Variants in ROR2 observed in about 807,000 individuals in gnomAD.
ROR2 encodes the protein tyrosine-protein kinase transmembrane receptor ROR2.
In ROR2, 33 loss-of-function variants were observed where a neutral mutation model predicts 74.9. The ratio of observed to expected loss-of-function variants is 0.44; its 90% CI spans 0.33 to 0.59. ROR2 has a LOEUF of 0.59. ROR2 is among the 20% of genes least tolerant of loss of function. The pLI is 0.02. For missense variants in ROR2, 1,216 were observed against 1,313.8 expected (o/e 0.93, Z 1.15); for synonymous variants, 586 against 558.7 (o/e 1.05, Z -0.69).
At chr9:91,739,130 A>G (rs534704564) in intron 4 of ROR2, among the ~76,000 whole-genome samples, 1 of 152,168 alleles carries the variant, frequency 6.6e-6, no homozygotes, top group Non-Finnish European at 1.5e-5. Flanking sequence ...AAAATCTGGA[A>G]CCTACCCCAT....
intron 1 of ROR2, among the ~76,000 whole-genome samples, chr9:91,884,043 CA>C (rs1386603434): frequency 6.6e-6 from 1 of 152,208 alleles, no homozygotes; most frequent in African/African-American, 2.4e-5. Context: ...GAGCTAGAAC[CA>C]AAGCTCACTC....
chr9:91,748,935 A>G (rs1825518975), intron 4 of ROR2, among the ~76,000 whole-genome samples: 1 of 152,196 alleles, frequency 6.6e-6, no homozygotes, highest in African/African-American at 2.4e-5. Context: ...GCTGAGGCAG[A>G]GAATCACTTG....
At position 91,724,952 on chromosome 9, in the gene ROR2, C is replaced by G; in HGVS notation, c.1542G>C (p.Glu514Asp). The G allele has an allele frequency of 6.2e-7, 1 of 1,613,548 alleles. No homozygotes were observed. The highest frequency in any genetic ancestry group is 8.5e-7 in the Non-Finnish European group (1 of 1,179,860). The change falls in exon 9 of 9, where the codon GAG (glutamate) becomes GAC (aspartate). Residue 514 changes from glutamate (E) to aspartate (D), a missense_variant. Coordinates refer to ENST00000375708, the MANE Select transcript of ROR2 (RefSeq NM_004560.4). ...VAIKTLKDKAEGPLREEFRHE... is the reference protein window; with the variant it reads ...VAIKTLKDKADGPLREEFRHE... ...GCCGGAACTCCTCCCGCAGGGGCCCCTCCGCTTTGTCCTTCAGCGTTTTGA... is the reference window on the plus strand; with the variant it reads ...GCCGGAACTCCTCCCGCAGGGGCCCGTCCGCTTTGTCCTTCAGCGTTTTGA...
intron 1 of ROR2, among the ~76,000 whole-genome samples, chr9:91,827,860 AT>A (rs1354151299): frequency 6.6e-6 from 1 of 152,208 alleles, no homozygotes; most frequent in Admixed American, 6.5e-5. Flanking sequence ...GAAGAAATGT[AT>A]TTGTCTCCTT....
chr9:91,919,228 T>C (rs1427781193), intron 1 of ROR2, among the ~76,000 whole-genome samples: 1 of 152,208 alleles, frequency 6.6e-6, no homozygotes, highest in African/African-American at 2.4e-5. Context: ...TGACAATAAT[T>C]AGGGCTTTTA....
intron 4 of ROR2, chr9:91,755,810 T>C: frequency 1.7e-6 from 1 of 579,756 alleles, no homozygotes; most frequent in Non-Finnish European, 3.1e-6. Flanking sequence ...TTTATACTCC[T>C]CTCAGTAGCC....
intron 7 of ROR2, among the ~76,000 whole-genome samples, chr9:91,729,089 T>TAAA (rs5899140): frequency 1.4e-5 from 2 of 144,722 alleles, no homozygotes; most frequent in Non-Finnish European, 3.0e-5. Context: ...CTACTCACTG[T>TAAA]AAAAAAAAAA....
At chr9:91,755,728 A>G (rs1825727910) in intron 4 of ROR2, among the ~76,000 whole-genome samples, 1 of 152,218 alleles carries the variant, frequency 6.6e-6, no homozygotes, top group Non-Finnish European at 1.5e-5. Context: ...TTCAGAGTGA[A>G]TTACGTCCCT....
intron 1 of ROR2, among the ~76,000 whole-genome samples, chr9:91,817,148 C>T (rs1827966196): frequency 6.6e-6 from 1 of 152,164 alleles, no homozygotes; most frequent in African/African-American, 2.4e-5. Flanking sequence ...AACACAACCC[C>T]AGGGGCTCAG....
chr9:91,852,651 C>CACACACA (rs1231343818), intron 1 of ROR2, among the ~76,000 whole-genome samples: 18,721 of 142,766 alleles, frequency 0.13, 1,311 homozygotes, highest in Admixed American at 0.17. Context: ...ACACACACAC[C>CACACACA]CACACACACA....
chr9:91,785,634 A>G (rs1381349534), intron 1 of ROR2, among the ~76,000 whole-genome samples: 1 of 152,244 alleles, frequency 6.6e-6, no homozygotes, highest in Admixed American at 6.5e-5. Flanking sequence ...GGCTGGGGCC[A>G]GGACTCATAT....
chr9:91,877,835 G>GA (rs1300104356), intron 1 of ROR2, among the ~76,000 whole-genome samples: 1 of 152,228 alleles, frequency 6.6e-6, no homozygotes, highest in African/African-American at 2.4e-5. Context: ...ACCTGGGTGG[G>GA]AGAGTGTCAG....
rs202072718 is a variant in ROR2 at position 91,723,951 on chromosome 9, G to A, written c.2543C>T (p.Pro848Leu). ...YPVQIPMQMA[P>L]QQVPPQMVPK... ...GACCATCTGAGGAGGCACCTGCTGC[G>A]GGGCCATCTGCATTGGGATCTGCAC... is the stretch of plus-strand genomic sequence containing the variant. The change falls in exon 9 of 9, where the codon CCG becomes CTG. Residue 848 changes from proline to leucine, a missense_variant. Transcript: ENST00000375708. 3.0e-5 allele frequency: 49 copies of A among 1,613,354 alleles called. No individual in the cohort carries two copies. The highest frequency in any genetic ancestry group is 2.7e-5 in the African/African-American group (2 of 74,948).
chr9:91,873,143 A>T (rs1160721163), intron 1 of ROR2, among the ~76,000 whole-genome samples: 1 of 152,134 alleles, frequency 6.6e-6, no homozygotes, highest in Non-Finnish European at 1.5e-5. Flanking sequence ...CACAGTGTCA[A>T]CATTGGTTTT....
At chr9:91,937,379 G>A (rs1041182183) in intron 1 of ROR2, among the ~76,000 whole-genome samples, 2 of 151,856 alleles carry the variant, frequency 1.3e-5, no homozygotes, top group South Asian at 2.1e-4. Flanking sequence ...AGGATGAGGC[G>A]AGTTTCTGAC....
chr9:91,739,513 TA>T (rs71362359), intron 4 of ROR2, among the ~76,000 whole-genome samples: 83,928 of 105,826 alleles, frequency 0.79, 33,040 homozygotes, highest in Non-Finnish European at 0.83. Flanking sequence ...TCTTTAAATT[TA>T]AAAAAAAAAA....
At chr9:91,833,430 G>A (rs1214300228) in intron 1 of ROR2, among the ~76,000 whole-genome samples, 1 of 152,022 alleles carries the variant, frequency 6.6e-6, no homozygotes, top group Non-Finnish European at 1.5e-5. Context: ...AGCAAATGGC[G>A]GCCATGTCCT....
chr9:91,795,546 A>AT (rs1751707351), intron 1 of ROR2, among the ~76,000 whole-genome samples: 1 of 152,232 alleles, frequency 6.6e-6, no homozygotes, highest in Admixed American at 6.5e-5. Context: ...GTTAGCAATC[A>AT]TATCACCAGA....
intron 1 of ROR2, among the ~76,000 whole-genome samples, chr9:91,891,098 G>A (rs577903269): frequency 2.0e-5 from 3 of 152,206 alleles, no homozygotes; most frequent in African/African-American, 7.2e-5. Flanking sequence ...GTTTTCTACT[G>A]TTACATAACA....
Sources: allele counts gnomAD v4.1 joint callset (sites outside exome capture counted in the v4.1 genomes callset), GRCh38; gene constraint gnomAD v4.1.1; transcripts MANE v1.5; gene names NCBI Gene and HGNC (gene_info 2026-07-23, HGNC 2026-07-21).